Variants in RAB27B observed in about 807,000 individuals in gnomAD.
RAB27B encodes the protein RAB27B, member RAS oncogene family, also known as ras-related protein Rab-27B.
RAB27B carries 15 observed loss-of-function variants against 24.6 expected under a neutral mutation model. The observed-to-expected ratio is 0.61, with a 90% confidence interval of 0.41 to 0.94. The LOEUF (loss-of-function observed/expected upper bound fraction) is 0.94. RAB27B is among the 40% of genes least tolerant of loss of function. RAB27B has a pLI of 0.00. For synonymous variants in RAB27B, 105 were observed against 92.5 expected (o/e 1.14, Z -0.78); for missense variants, 261 against 266.8 (o/e 0.98, Z 0.15).
upstream of RAB27B, among the ~76,000 whole-genome samples, chr18:54,823,575 C>G (rs1031338773): frequency 7.2e-5 from 11 of 152,130 alleles, no homozygotes; most frequent in African/African-American, 2.7e-4. Flanking sequence ...TTAGAACCCA[C>G]CTTTATTTTT....
intron 2 of RAB27B, among the ~76,000 whole-genome samples, chr18:54,719,890 A>C (rs561881431): frequency 6.6e-6 from 1 of 152,058 alleles, no homozygotes. Context: ...CTTCAGTTTC[A>C]TGTCAGACTC....
intron 2 of RAB27B, among the ~76,000 whole-genome samples, chr18:54,743,778 C>T (rs1259538870): frequency 1.3e-5 from 2 of 152,156 alleles, no homozygotes; most frequent in African/African-American, 2.4e-5. Context: ...CTTGATAGAA[C>T]TGTGGCCTTT....
chr18:54,858,659 C>G (rs996801291), intron 1 of RAB27B, among the ~76,000 whole-genome samples: 1 of 152,106 alleles, frequency 6.6e-6, no homozygotes, highest in Admixed American at 6.5e-5. Context: ...GGATTACAGG[C>G]GTGAGCCACT....
chr18:54,747,907 A>G (rs1910304369), intron 2 of RAB27B, among the ~76,000 whole-genome samples: 1 of 152,144 alleles, frequency 6.6e-6, no homozygotes, highest in African/African-American at 2.4e-5. Flanking sequence ...CAGGAGTTCG[A>G]GACCAGCCTG....
At chr18:54,757,889 T>G (rs1361585246) in intron 2 of RAB27B, among the ~76,000 whole-genome samples, 1 of 152,048 alleles carries the variant, frequency 6.6e-6, no homozygotes, top group African/African-American at 2.4e-5. Context: ...AAATTACAAA[T>G]TCTTTTAAAA....
At chr18:54,840,900 G>A in intron 1 of RAB27B, among the ~76,000 whole-genome samples, 1 of 152,076 alleles carries the variant, frequency 6.6e-6, no homozygotes, top group Non-Finnish European at 1.5e-5. Flanking sequence ...TGTAATCCCA[G>A]CACTTTGGGA....
intron 1 of RAB27B, among the ~76,000 whole-genome samples, chr18:54,848,982 A>G (rs1911447667): frequency 6.6e-6 from 1 of 152,268 alleles, no homozygotes; most frequent in Non-Finnish European, 1.5e-5. Context: ...TGCAATAGAA[A>G]GACAATGATA....
rs148917219 is a variant in RAB27B at position 54,809,023 on chromosome 18, A to T, written c.-19-68544A>T. ...AAAGACAGTTGACAGTGCAATTAGT[A>T]CATGATCAATTCTTTGGTTGAAATT... is the stretch of plus-strand genomic sequence containing the variant. On this transcript the variant is annotated intron_variant, in intron 2 of 4. Coordinates refer to the RAB27B transcript ENST00000586570. Among the ~76,000 whole-genome samples the T allele has an allele frequency of 2.0e-5, 3 of 152,354 alleles. No individual in the cohort carries two copies. The East Asian group carries it at 5.8e-4, about 29-fold the overall frequency.
chr18:54,835,243 G>A (rs1910849166), intron 1 of RAB27B, among the ~76,000 whole-genome samples: 1 of 151,824 alleles, frequency 6.6e-6, no homozygotes, highest in South Asian at 2.1e-4. Flanking sequence ...AATATTAAGA[G>A]GTGCCACATA....
At chr18:54,819,537 AAAAAAAAAAAG>A (rs771779999) in intron 2 of RAB27B, among the ~76,000 whole-genome samples, 128 of 149,376 alleles carry the variant, frequency 8.6e-4, no homozygotes, top group African/African-American at 3.0e-3. Flanking sequence ...ATCTCAAAAA[AAAAAAAAAAAG>A]AAAAAAAAAA....
intron 2 of RAB27B, among the ~76,000 whole-genome samples, chr18:54,748,453 T>C (rs1331043945): frequency 1.3e-5 from 2 of 152,206 alleles, no homozygotes; most frequent in African/African-American, 4.8e-5. Context: ...CAAGTTTACA[T>C]TGATTTAAAA....
chr18:54,739,805 C>T (rs972707604), intron 2 of RAB27B, among the ~76,000 whole-genome samples: 2 of 152,088 alleles, frequency 1.3e-5, no homozygotes, highest in African/African-American at 4.8e-5. Flanking sequence ...TTAAGTTTAA[C>T]CCTTCTAGTG....
intron 2 of RAB27B, among the ~76,000 whole-genome samples, chr18:54,725,279 C>T (rs1236524508): frequency 2.6e-5 from 4 of 151,452 alleles, no homozygotes; most frequent in Non-Finnish European, 4.4e-5. Context: ...ATCCTGTAAA[C>T]GTTAGTTCTT....
chr18:54,860,404 A>C (rs1050683927), intron 1 of RAB27B, among the ~76,000 whole-genome samples: 1 of 151,822 alleles, frequency 6.6e-6, no homozygotes, highest in Non-Finnish European at 1.5e-5. Context: ...TCCTGTAACC[A>C]ATGACACTCG....
intron 2 of RAB27B, among the ~76,000 whole-genome samples, chr18:54,817,336 C>A (rs1217183822): frequency 6.6e-6 from 1 of 152,104 alleles, no homozygotes; most frequent in Non-Finnish European, 1.5e-5. Flanking sequence ...AAACCCAAGG[C>A]TTTAGATTTA....
intron 2 of RAB27B, among the ~76,000 whole-genome samples, chr18:54,807,966 T>C (rs1241505517): frequency 6.6e-6 from 1 of 152,216 alleles, no homozygotes; most frequent in Non-Finnish European, 1.5e-5. Context: ...TTGTCTCCAG[T>C]CTGTTTGTAT....
At chr18:54,783,812 T>G (rs1908994746) in intron 2 of RAB27B, among the ~76,000 whole-genome samples, 1 of 152,084 alleles carries the variant, frequency 6.6e-6, no homozygotes, top group African/African-American at 2.4e-5. Context: ...TGGTGGAAAA[T>G]GAATGCCAAA....
In RAB27B at chr18:54,892,137, G is replaced by A. The variant is rs528068865; in HGVS notation, c.*2724G>A. On this transcript the variant is annotated 3_prime_UTR_variant, in exon 6 of 6. Transcript: ENST00000262094. ...CAGCATGTAATTTTAGCCAAGATAT[G>A]TCCTGTTACTAAGTATCTCCCAATG... The A allele has an allele frequency of 7.9e-5, 12 of 152,082 alleles. No individual in the cohort carries two copies. The highest frequency in any genetic ancestry group is 2.9e-4 in the African/African-American group (12 of 41,516). The allele number at this position is 152,082 out of a possible 1,614,324, so 9.4% of individuals were successfully genotyped here. A position where few individuals can be genotyped will look rare whatever the true frequency, so the allele number is the denominator to read the frequency against.
At chr18:54,825,731 G>A (rs1910450034), upstream of RAB27B, among the ~76,000 whole-genome samples, 3 of 152,142 alleles carry the variant, frequency 2.0e-5, no homozygotes, top group African/African-American at 7.2e-5. Context: ...CAGTCTCCTG[G>A]AAGCTGGATT....
Sources: gnomAD v4.1 joint callset for allele counts (sites outside exome capture counted in the v4.1 genomes callset) on GRCh38, gnomAD v4.1.1 for gene constraint, MANE v1.5 for transcripts, NCBI Gene and HGNC (gene_info 2026-07-23, HGNC 2026-07-21) for gene names.